COG5: variants seen among roughly 807,000 people sequenced by gnomAD.
COG5 encodes the protein component of oligomeric golgi complex 5.
Under a neutral mutation model 110.4 loss-of-function variants are expected in COG5, and 86 were observed. The ratio of observed to expected loss-of-function variants is 0.78; its 90% CI spans 0.65 to 0.93. COG5 has a LOEUF of 0.93. Ranked by LOEUF, COG5 falls within the 40% of genes least tolerant of loss-of-function variation. The pLI, the probability that COG5 is intolerant of heterozygous loss-of-function variation, is 0.00. For missense variants in COG5, 1,077 were observed against 987.0 expected (o/e 1.09, Z -1.22); for synonymous variants, 360 against 334.6 (o/e 1.08, Z -0.83).
At chr7:107,250,149 A>T (rs567967708) in intron 16 of COG5, among the ~76,000 whole-genome samples, 1 of 152,332 alleles carries the variant, frequency 6.6e-6, no homozygotes, top group East Asian at 1.9e-4. Flanking sequence ...GACTACAAAA[A>T]GGAGTACAAC....
intron 11 of COG5, among the ~76,000 whole-genome samples, chr7:107,303,538 C>T (rs990442957): frequency 2.6e-5 from 4 of 151,984 alleles, no homozygotes; most frequent in Non-Finnish European, 5.9e-5. Context: ...AGCAATCCTA[C>T]CTCAGCCTCC....
intron 16 of COG5, 36 bp from the exon 17 acceptor site, chr7:107,248,535 A>T: frequency 2.8e-6 from 4 of 1,429,254 alleles, no homozygotes; most frequent in Non-Finnish European, 3.9e-6. Context: ...AAGAAGAGGC[A>T]AGATTAAAGA....
At chr7:107,295,066 CATATATATATATATATATAT>C (rs1186377118) in intron 12 of COG5, among the ~76,000 whole-genome samples, 4 of 45,848 alleles carry the variant, frequency 8.7e-5, no homozygotes, top group East Asian at 1.1e-3. Flanking sequence ...CACACACACA[CATATATATATATATATATAT>C]ATATATATAT....
Position 107,415,870 on chromosome 7 carries a change from ATGTATGTG to A in COG5, c.539-3246_539-3239del, listed in dbSNP as rs1563021398. 2.8e-5 allele frequency among the ~76,000 whole-genome samples: 3 copies of A among 106,298 alleles called. 1 individual carries two copies. Among genetic ancestry groups the A allele is most frequent in the Non-Finnish European group, 4.1e-5 (2 of 49,306 alleles). 69.7% of individuals were successfully genotyped at this position (106,298 alleles called of 152,430 possible). On this transcript the variant is annotated intron_variant, in intron 6 of 21. Coordinates refer to ENST00000297135, the MANE Select transcript of COG5 (RefSeq NM_006348.5). ...TATATACACACACATACACGTATGT[ATGTATGTG>A]TGTGTATATACACACACATACACGT...
At chr7:107,541,523 A>AATATATATATATATATATATATAT (rs1554460370) in intron 5 of COG5, among the ~76,000 whole-genome samples, 60 of 56,942 alleles carry the variant, frequency 1.1e-3, no homozygotes, top group Non-Finnish European at 1.6e-3. Flanking sequence ...AAAAAAAAAA[A>AATATATATATATATATATATATAT]ATATATATAT....
chr7:107,295,080 TATATATATATATATATATA>T (rs1806599644), intron 12 of COG5, among the ~76,000 whole-genome samples: 1 of 61,106 alleles, frequency 1.6e-5, no homozygotes, highest in Non-Finnish European at 3.0e-5. Flanking sequence ...TATATATATA[TATATATATATATATATATA>T]TATTTTTTTT....
At chr7:107,547,426 G>T (rs2129172544) in intron 5 of COG5, among the ~76,000 whole-genome samples, 1 of 152,296 alleles carries the variant, frequency 6.6e-6, no homozygotes, top group East Asian at 1.9e-4. Context: ...AATCAACAGT[G>T]AAAAGTTGAA....
At chr7:107,414,704 T>C (rs1347260305) in intron 6 of COG5, among the ~76,000 whole-genome samples, 1 of 17,954 alleles carries the variant, frequency 5.6e-5, no homozygotes, top group Non-Finnish European at 9.5e-5. Flanking sequence ...TCACTGTCCC[T>C]TTTTTTTTTT....
intron 16 of COG5, among the ~76,000 whole-genome samples, chr7:107,252,186 A>G (rs553302045): frequency 2.0e-5 from 3 of 152,238 alleles, no homozygotes; most frequent in African/African-American, 7.2e-5. Context: ...GTGCCAGTGA[A>G]TAGCCACTGC....
intron 5 of COG5, among the ~76,000 whole-genome samples, chr7:107,535,587 T>C (rs763725794): frequency 1.3e-5 from 2 of 152,116 alleles, no homozygotes; most frequent in African/African-American, 2.4e-5. Context: ...CCTGGACATA[T>C]ACACCCTCCC....
intron 14 of COG5, among the ~76,000 whole-genome samples, chr7:107,272,627 A>G (rs1325461940): frequency 6.6e-6 from 1 of 152,206 alleles, no homozygotes; most frequent in Non-Finnish European, 1.5e-5. Flanking sequence ...TAAGTTTTAT[A>G]TGTTTTATAA....
intron 11 of COG5, among the ~76,000 whole-genome samples, chr7:107,313,530 T>G (rs1051961372): frequency 6.6e-6 from 1 of 152,184 alleles, no homozygotes; most frequent in Non-Finnish European, 1.5e-5. Flanking sequence ...AGTCTGAGAT[T>G]GGTCTCACTG....
At chr7:107,266,749 C>T (rs1803834305) in intron 14 of COG5, among the ~76,000 whole-genome samples, 2 of 152,010 alleles carry the variant, frequency 1.3e-5, no homozygotes, top group Non-Finnish European at 2.9e-5. Flanking sequence ...ATGTTAAAGC[C>T]GGGAGACTTT....
chr7:107,292,544 T>G (rs552377552), intron 12 of COG5, among the ~76,000 whole-genome samples: 1 of 152,302 alleles, frequency 6.6e-6, no homozygotes, highest in African/African-American at 2.4e-5. Context: ...GGTTGAGATA[T>G]AACAAAAGCC....
At chr7:107,410,616 A>T (rs1792211867) in intron 7 of COG5, among the ~76,000 whole-genome samples, 1 of 151,814 alleles carries the variant, frequency 6.6e-6, no homozygotes, top group African/African-American at 2.4e-5. Context: ...CTAATTTTGT[A>T]TTTTTAGTAG....
intron 7 of COG5, among the ~76,000 whole-genome samples, chr7:107,385,841 G>T (rs1441834966): frequency 6.6e-6 from 1 of 150,708 alleles, no homozygotes; most frequent in Non-Finnish European, 1.5e-5. Flanking sequence ...ACCTTAATGG[G>T]TGGAGGTAAT....
chr7:107,461,727 T>G (rs1796000551), intron 6 of COG5, among the ~76,000 whole-genome samples: 1 of 152,214 alleles, frequency 6.6e-6, no homozygotes, highest in Non-Finnish European at 1.5e-5. Context: ...AGTTCAATAT[T>G]CAAAATTCAA....
chr7:107,397,516 T>C (rs1791102940), intron 7 of COG5, among the ~76,000 whole-genome samples: 1 of 151,846 alleles, frequency 6.6e-6, no homozygotes, highest in Non-Finnish European at 1.5e-5. Context: ...TATAAAAAAA[T>C]ACATGGGCCC....
At chr7:107,449,350 G>A (rs1351588980) in intron 6 of COG5, among the ~76,000 whole-genome samples, 1 of 152,086 alleles carries the variant, frequency 6.6e-6, no homozygotes, top group Non-Finnish European at 1.5e-5. Flanking sequence ...AGAACTTAAA[G>A]TAAAAGAAAA....
Sources: gnomAD v4.1 joint callset for allele counts (sites outside exome capture counted in the v4.1 genomes callset) on GRCh38, gnomAD v4.1.1 for gene constraint, MANE v1.5 for transcripts, NCBI Gene and HGNC (gene_info 2026-07-23, HGNC 2026-07-21) for gene names.